MAP3K1: variants seen among roughly 807,000 people sequenced by gnomAD.
MAP3K1 encodes the protein mitogen-activated protein kinase kinase kinase 1.
In MAP3K1, 36 loss-of-function variants were observed where a neutral mutation model predicts 144.2. The ratio of observed to expected loss-of-function variants is 0.25; its 90% CI spans 0.19 to 0.33. The LOEUF is 0.33. MAP3K1 is among the 10% of genes least tolerant of loss of function. The pLI, the probability that MAP3K1 is intolerant of heterozygous loss-of-function variation, is 1.00. For synonymous variants in MAP3K1, 718 were observed against 688.7 expected (o/e 1.04, Z -0.67); for missense variants, 1,650 against 1,881.9 (o/e 0.88, Z 2.28).
intron 6 of MAP3K1, among the ~76,000 whole-genome samples, 171 bp from the exon 7 acceptor site, chr5:56,871,739 A>C (rs1047926348): frequency 1.3e-5 from 2 of 152,204 alleles, no homozygotes; most frequent in Non-Finnish European, 2.9e-5. Context: ...TGTTAATCTG[A>C]TTTTAAATTA....
Position 56,856,653 on chromosome 5 carries a change from G to T in MAP3K1, c.536G>T (p.Arg179Leu), listed in dbSNP as rs1446304905. Residue 179 changes from arginine to leucine, a missense_variant, in exon 2 of 20, where the codon CGT becomes CTT. Around this residue, in one of 6 missense-constraint regions of MAP3K1, gnomAD observed 148 missense variants for 177.2 expected, o/e 0.84. Coordinates refer to ENST00000399503, the MANE Select transcript of MAP3K1 (RefSeq NM_005921.2). ...AAAGGGTTGCACAAGATGGATGATC[G>T]TCCAGAGGAACGAATGATCAGGGAG... Reference protein sequence around the residue: ...TLKGLHKMDDRPEERMIREKL... With the variant: ...TLKGLHKMDDLPEERMIREKL... 1.2e-6 allele frequency: 2 copies of T among 1,613,924 alleles called. No individual in the cohort carries two copies. Among genetic ancestry groups the T allele is most frequent in the African/African-American group, 1.3e-5 (1 of 75,034 alleles).
chr5:56,849,353 TAAA>T (rs60934512), intron 1 of MAP3K1, among the ~76,000 whole-genome samples: 19 of 145,218 alleles, frequency 1.3e-4, no homozygotes, highest in Non-Finnish European at 1.7e-4. Context: ...TCTCTGTCTT[TAAA>T]AAAAAAAAAA....
chr5:56,881,273 G>T lies in MAP3K1; in HGVS notation c.2369+1G>T. ...CACAAGCTGAGCCTGTTGAAATCAG[G>T]TAATTTTTCTTCTGAAAATGTATTA... is the stretch of plus-strand genomic sequence containing the variant. On this transcript the variant is annotated splice_donor_variant, in intron 13 of 19. Coordinates refer to ENST00000399503, the MANE Select transcript of MAP3K1 (RefSeq NM_005921.2). LOFTEE classifies it high-confidence loss of function. 1 of 1,611,436 alleles carries T rather than the reference G, an allele frequency of 6.2e-7. No homozygotes were observed. The highest frequency in any genetic ancestry group is 8.5e-7 in the Non-Finnish European group (1 of 1,178,496).
intron 2 of MAP3K1, among the ~76,000 whole-genome samples, chr5:56,857,306 G>T (rs928653848): frequency 2.0e-5 from 3 of 152,034 alleles, no homozygotes; most frequent in Non-Finnish European, 4.4e-5. Context: ...AATGTGTGGG[G>T]TTTGATGAAA....
chr5:56,867,193 T>TA (rs1747701297), intron 6 of MAP3K1, among the ~76,000 whole-genome samples: 1 of 152,198 alleles, frequency 6.6e-6, no homozygotes, highest in African/African-American at 2.4e-5. Context: ...AACAGATGCT[T>TA]AAAACCAAGT....
intron 3 of MAP3K1, among the ~76,000 whole-genome samples, chr5:56,861,663 A>T (rs140512798): frequency 6.6e-6 from 1 of 151,980 alleles, no homozygotes; most frequent in Admixed American, 6.5e-5. Context: ...CATATACTTT[A>T]ATCAAAACAT....
chr5:56,829,497 GT>G (rs1056721871), intron 1 of MAP3K1, among the ~76,000 whole-genome samples: 1 of 151,972 alleles, frequency 6.6e-6, no homozygotes, highest in Non-Finnish European at 1.5e-5. Flanking sequence ...CCGCATTGCT[GT>G]TTTTTATACA....
intron 1 of MAP3K1, among the ~76,000 whole-genome samples, chr5:56,839,611 A>C (rs1746751491): frequency 6.6e-6 from 1 of 152,230 alleles, no homozygotes; most frequent in African/African-American, 2.4e-5. Context: ...TGATGAGGAT[A>C]AAAATCTCTT....
chr5:56,882,788 A>G lies in MAP3K1; in HGVS notation c.3588A>G (p.Ser1196=), dbSNP rs55912465. The G allele has an allele frequency of 1.9e-6, 3 of 1,611,812 alleles. No individual in the cohort carries two copies. The Admixed American group carries it at 5.0e-5, about 27-fold the overall frequency. Residue 1196 remains serine, a synonymous_variant, in exon 14 of 20, where the codon TCA becomes TCG. Transcript: ENST00000399503. ...EEALAIAMAM[S]ASQDALPIVP... Reference sequence around the variant, plus strand: ...CTTTAGCAATTGCCATGGCAATGTCAGCGTCTCAGGATGCCCTCCCCATAG... The same window carrying G: ...CTTTAGCAATTGCCATGGCAATGTCGGCGTCTCAGGATGCCCTCCCCATAG...
At chr5:56,854,386 T>C (rs1329935434) in intron 1 of MAP3K1, among the ~76,000 whole-genome samples, 1 of 127,792 alleles carries the variant, frequency 7.8e-6, no homozygotes, top group East Asian at 2.2e-4. Flanking sequence ...GTGAGCCTAT[T>C]GCACCATTGC....
intron 6 of MAP3K1, 38 bp from the exon 7 acceptor site, chr5:56,871,871 TC>T: frequency 6.2e-7 from 1 of 1,602,634 alleles, no homozygotes; most frequent in Non-Finnish European, 8.5e-7. Flanking sequence ...TACTTTATAT[TC>T]TTTTATGCTT....
chr5:56,875,152 A>G lies in MAP3K1; in HGVS notation c.1807A>G (p.Thr603Ala). 1 of 1,614,152 alleles carries G rather than the reference A, an allele frequency of 6.2e-7. No individual in the cohort carries two copies. The highest frequency in any genetic ancestry group is 1.3e-5 in the African/African-American group (1 of 75,040). ...GALLLANGES[T>A]GNSGGSSGSS... ...CCTGCTGTTGGCAAATGGGGAGAGC[A>G]CTGGAAATTCTGGGGGCAGCAGTGG... The change falls in exon 10 of 20, where the codon ACT becomes GCT. Residue 603 changes from threonine (T) to alanine (A), a missense_variant. Thr to Ala is a moderately conservative substitution (Grantham distance 58, BLOSUM62 0). Transcript: ENST00000399503.
intron 6 of MAP3K1, among the ~76,000 whole-genome samples, chr5:56,866,437 G>C (rs778112373): frequency 3.4e-5 from 5 of 148,848 alleles, no homozygotes; most frequent in Admixed American, 1.3e-4. Flanking sequence ...ATGTATGTCT[G>C]TATGTATGTA....
chr5:56,880,699 C>G lies in MAP3K1; in HGVS notation c.2088-12C>G. ...AGATCCAGGATTGATGTTGCTTTTC[C>G]TTTGTTTTTAGCCGCACAAGTCAGC... On this transcript the variant is annotated splice_polypyrimidine_tract_variant and intron_variant, in intron 11 of 19. Coordinates refer to ENST00000399503, the MANE Select transcript of MAP3K1 (RefSeq NM_005921.2). The G allele has an allele frequency of 6.2e-7, 1 of 1,605,146 alleles. No homozygotes were observed.
chr5:56,838,788 C>A (rs1170244426), intron 1 of MAP3K1, among the ~76,000 whole-genome samples: 1 of 152,116 alleles, frequency 6.6e-6, no homozygotes, highest in African/African-American at 2.4e-5. Flanking sequence ...GGAGTTTATG[C>A]CCCCAAAACC....
chr5:56,840,033 T>G (rs1451975316), intron 1 of MAP3K1, among the ~76,000 whole-genome samples: 2 of 152,264 alleles, frequency 1.3e-5, no homozygotes. Context: ...ACTTTCCCAC[T>G]TGTTTACATC....
intron 18 of MAP3K1, chr5:56,887,922 G>C: frequency 2.2e-6 from 1 of 459,834 alleles, no homozygotes; most frequent in East Asian, 4.3e-5. Flanking sequence ...AGCTTCTTCT[G>C]TCGTGTTCAT....
At chr5:56,890,292 G>T (rs1469751607) in intron 19 of MAP3K1, among the ~76,000 whole-genome samples, 1 of 152,092 alleles carries the variant, frequency 6.6e-6, no homozygotes, top group Non-Finnish European at 1.5e-5. Flanking sequence ...GGAAACAATT[G>T]TAAATAATTT....
Position 56,874,919 on chromosome 5 carries a change from G to A in MAP3K1, c.1687-113G>A, listed in dbSNP as rs1053273290. On this transcript the variant is annotated intron_variant, in intron 9 of 19. Transcript: ENST00000399503. ...ATTTGAAGTTGTGAAGGATGGTAAA[G>A]ATTTCAGAAATGTCCAGTTTTTACG... 3.6e-6 allele frequency: 4 copies of A among 1,101,382 alleles called. No homozygotes were observed. In the African/African-American group the frequency reaches 6.2e-5, roughly 17 times the overall value. 68.2% of individuals were successfully genotyped at this position (1,101,382 alleles called of 1,614,324 possible).
Sources: gnomAD v4.1 joint callset for allele counts (sites outside exome capture counted in the v4.1 genomes callset) on GRCh38, gnomAD v4.1.1 for gene constraint, gnomAD v4.1.1 regional missense constraint, MANE v1.5 for transcripts, NCBI Gene and HGNC (gene_info 2026-07-23, HGNC 2026-07-21) for gene names.